The following DYNC2H1 variants were observed in gnomAD, a reference collection of about 807,000 sequenced individuals.
The protein encoded by DYNC2H1 is cytoplasmic dynein 2 heavy chain 1.
DYNC2H1 carries 410 observed loss-of-function variants against 570.0 expected under a neutral mutation model. The ratio of observed to expected loss-of-function variants is 0.72; its 90% CI spans 0.66 to 0.78. The LOEUF is 0.78. Ranked by LOEUF, DYNC2H1 falls within the 30% of genes least tolerant of loss-of-function variation. The pLI is 0.00. For missense variants in DYNC2H1, 4,865 were observed against 5,046.4 expected (o/e 0.96, Z 1.09); for synonymous variants, 1,688 against 1,677.6 (o/e 1.01, Z -0.15).
At chr11:103,153,176 C>G (rs1860648668) in intron 21 of DYNC2H1, 127 bp from the exon 22 acceptor site, 3 of 742,614 alleles carry the variant, frequency 4.0e-6, no homozygotes, top group Admixed American at 3.6e-5. Flanking sequence ...AACAACCATC[C>G]TTTGAAAAGT....
At position 103,141,812 on chromosome 11, in the gene DYNC2H1, T is replaced by C. The variant is rs1296565194; in HGVS notation, c.2575-1456T>C. Among the ~76,000 whole-genome samples, 4 of 152,168 alleles carry C rather than the reference T, an allele frequency of 2.6e-5. No individual in the cohort carries two copies. In the East Asian group the frequency reaches 7.7e-4, roughly 29 times the overall value. On this transcript the variant is annotated intron_variant, in intron 17 of 88. Transcript: ENST00000375735. ...GTTGTCTGTGCCCTGCCCCCAGAGG[T>C]GGAGCCTACAGAGGCAGGCAGGCCT...
chr11:103,328,080 A>C (rs940479196), intron 82 of DYNC2H1, among the ~76,000 whole-genome samples: 3 of 152,192 alleles, frequency 2.0e-5, no homozygotes, highest in Admixed American at 1.3e-4. Context: ...TATAGCAAAA[A>C]ATTATCCCAA....
chr11:103,332,312 GAAAAAAAA>G (rs71962098), intron 82 of DYNC2H1, among the ~76,000 whole-genome samples: 3 of 122,542 alleles, frequency 2.4e-5, no homozygotes, highest in South Asian at 2.6e-4. Flanking sequence ...AAAAAACTGG[GAAAAAAAA>G]AAAAAAAAAA....
In DYNC2H1 at chr11:103,160,958, A is replaced by G. The variant is rs1346487386; in HGVS notation, c.4405A>G (p.Lys1469Glu). The part of the protein sequence containing the change: ...AGINSVCFDE[K>E]SKHITAMKSL... The stretch of plus-strand genomic sequence containing the variant: ...TATTAACAGTGTTTGCTTTGATGAG[A>G]AATCAAAACATATAACTGCAATGAA... Residue 1469 changes from lysine to glutamate, a missense_variant, in exon 29 of 89, where the codon AAA becomes GAA. By Grantham distance (56) the Lys-to-Glu change is moderately conservative. Transcript: ENST00000375735. 1 of 1,564,894 alleles carries G rather than the reference A, an allele frequency of 6.4e-7. No individual in the cohort carries two copies. Among genetic ancestry groups the G allele is most frequent in the Non-Finnish European group, 8.6e-7 (1 of 1,159,118 alleles).
rs184049390 is a variant in DYNC2H1 at position 103,297,398 on chromosome 11, G to A, written c.11096-5695G>A. Among the ~76,000 whole-genome samples the A allele has an allele frequency of 8.2e-4, 125 of 152,198 alleles. 1 individual carries two copies. The highest frequency in any genetic ancestry group is 2.1e-3 in the African/African-American group (88 of 41,536). ...AACAGTGTTTAACAAAAGTACAGTC[G>A]TGTTGTTTAACAGTGGGGATGCATT... On this transcript the variant is annotated intron_variant, in intron 75 of 88. Coordinates refer to ENST00000375735, the MANE Select transcript of DYNC2H1 (RefSeq NM_001377.3).
At chr11:103,250,663 A>G (rs1470945428) in intron 65 of DYNC2H1, among the ~76,000 whole-genome samples, 1 of 152,018 alleles carries the variant, frequency 6.6e-6, no homozygotes, top group Non-Finnish European at 1.5e-5. Flanking sequence ...TCTTTTCTAG[A>G]TTTTTGAAAT....
chr11:103,413,807 A>ACAAGAATCTTTAATCTTTT (rs1943179216), intron 84 of DYNC2H1, among the ~76,000 whole-genome samples: 1 of 152,182 alleles, frequency 6.6e-6, no homozygotes, highest in Non-Finnish European at 1.5e-5. Flanking sequence ...CCTGCATATA[A>ACAAGAATCTTTAATCTTTT]CAAGAATCTT....
chr11:103,331,583 T>G (rs950331761), intron 82 of DYNC2H1, among the ~76,000 whole-genome samples: 5 of 152,186 alleles, frequency 3.3e-5, no homozygotes, highest in African/African-American at 1.2e-4. Context: ...GCTTTAAAAC[T>G]TCCTTAGTCT....
chr11:103,187,664 T>A, intron 43 of DYNC2H1, 78 bp downstream of exon 43: 1 of 1,525,414 alleles, frequency 6.6e-7, no homozygotes. Context: ...AAAATATTCA[T>A]TCTTCATTTG....
Position 103,472,985 on chromosome 11 carries a change from A to G in DYNC2H1, c.12765+4280A>G, listed in dbSNP as rs1211797384. 2.0e-5 allele frequency among the ~76,000 whole-genome samples: 3 copies of G among 152,146 alleles called. No individual in the cohort carries two copies. The East Asian group carries it at 5.8e-4, about 29-fold the overall frequency. On this transcript the variant is annotated intron_variant, in intron 88 of 88. Transcript: ENST00000375735. This position sits in a 1 kb window ranked among gnomAD's most constrained non-coding sequence, Gnocchi z 4.1. The stretch of plus-strand genomic sequence containing the variant: ...GCTGCAGCTCCATTTTTCAGAGAAC[A>G]TTTTAGGTTGCAAAAGATTGAAGAA...
At position 103,298,974 on chromosome 11, in the gene DYNC2H1, C is replaced by T. The variant is rs149609677; in HGVS notation, c.11096-4119C>T. ...ACTTATGTGCTGGCAAAATCTACTACGTTACTTTTTAGAAATGGTAGTGAC... is the reference window on the plus strand; with the variant it reads ...ACTTATGTGCTGGCAAAATCTACTATGTTACTTTTTAGAAATGGTAGTGAC... On this transcript the variant is annotated intron_variant, in intron 75 of 88. Transcript: ENST00000375735. Among the ~76,000 whole-genome samples, 242 of 152,138 alleles carry T rather than the reference C, an allele frequency of 1.6e-3. 3 individuals carry two copies. The East Asian group carries it at 0.039, about 25-fold the overall frequency.
chr11:103,176,936 C>T (rs1022079290), intron 37 of DYNC2H1, among the ~76,000 whole-genome samples: 7 of 152,060 alleles, frequency 4.6e-5, no homozygotes, highest in Non-Finnish European at 1.0e-4. Context: ...GAACTCTTGA[C>T]CTCAGGTGAT....
chr11:103,440,681 G>T (rs551604089), intron 85 of DYNC2H1, among the ~76,000 whole-genome samples: 1 of 152,250 alleles, frequency 6.6e-6, no homozygotes, highest in South Asian at 2.1e-4. Context: ...ATTAAAGGAA[G>T]TATTTGAGCA....
intron 17 of DYNC2H1, among the ~76,000 whole-genome samples, chr11:103,137,614 G>GT (rs1454036912): frequency 2.6e-5 from 4 of 152,102 alleles, no homozygotes; most frequent in African/African-American, 7.2e-5. Context: ...GTACCATGTT[G>GT]TTTTGGTTAC....
intron 6 of DYNC2H1, among the ~76,000 whole-genome samples, chr11:103,118,820 A>G (rs1418735170): frequency 3.3e-5 from 5 of 152,202 alleles, no homozygotes; most frequent in African/African-American, 1.2e-4. Context: ...CTATATCAGG[A>G]CGTATGTGGT....
rs916728489 is a variant in DYNC2H1, at chr11:103,280,719, G to T, written c.10761+306G>T. Among the ~76,000 whole-genome samples the T allele has an allele frequency of 6.6e-6, 1 of 152,090 alleles. No individual in the cohort carries two copies. The highest frequency in any genetic ancestry group is 1.5e-5 in the Non-Finnish European group (1 of 67,976). On this transcript the variant is annotated intron_variant, in intron 71 of 88. Coordinates refer to ENST00000375735, the MANE Select transcript of DYNC2H1 (RefSeq NM_001377.3). The surrounding 1 kb of genome is among the most constrained non-coding windows in gnomAD (Gnocchi z 4.7). ...CCTTCTTCTTTTCCCGGCCTAGGTA[G>T]TAGAGCTCATATAGAAAAAGTGAGA...
chr11:103,192,039 T>C, intron 46 of DYNC2H1, 58 bp from the exon 47 acceptor site: 1 of 1,309,756 alleles, frequency 7.6e-7, no homozygotes, highest in African/African-American at 1.5e-5. Context: ...AATTTTATGT[T>C]AAACATATTA....
intron 79 of DYNC2H1, among the ~76,000 whole-genome samples, chr11:103,313,621 C>A (rs1460047718): frequency 1.3e-5 from 2 of 152,130 alleles, no homozygotes; most frequent in East Asian, 3.8e-4. Flanking sequence ...AGTTTCCTTG[C>A]AGTGATACCT....
rs549711025 is a variant in DYNC2H1 at position 103,388,163 on chromosome 11, T to C, written c.12157-11500T>C. ...TGGAATGTTCTTCGATTTGTTTGTA[T>C]CCTCTTTTATTTCCTTGAGCAGTGG... On this transcript the variant is annotated intron_variant, in intron 83 of 88. Transcript: ENST00000375735. Among the ~76,000 whole-genome samples the C allele has an allele frequency of 7.9e-5, 12 of 152,306 alleles. No homozygotes were observed. The East Asian group carries it at 2.1e-3, about 27-fold the overall frequency.
Sources: allele counts gnomAD v4.1 joint callset (sites outside exome capture counted in the v4.1 genomes callset), GRCh38; gene constraint gnomAD v4.1.1; non-coding constraint Gnocchi (gnomAD v3.1); transcripts MANE v1.5; gene names NCBI Gene and HGNC (gene_info 2026-07-23, HGNC 2026-07-21).